TMEM33: variants seen among roughly 807,000 people sequenced by gnomAD.
TMEM33 encodes the protein transmembrane protein 33.
A neutral mutation model predicts 29.7 loss-of-function variants in TMEM33; 16 were observed. The observed-to-expected ratio is 0.54, with a 90% confidence interval of 0.36 to 0.82. TMEM33 has a LOEUF of 0.82. Among genes scored for constraint, TMEM33 ranks in the 40% least tolerant of loss-of-function variants. The probability of loss-of-function intolerance (pLI) is 0.00; values close to 1 mark genes in which losing one functional copy is unlikely to be tolerated. For missense variants in TMEM33, 252 were observed against 295.3 expected (o/e 0.85, Z 1.08); for synonymous variants, 112 against 109.4 (o/e 1.02, Z -0.15).
At chr4:41,936,257 A>T (rs981998191) in intron 1 of TMEM33, among the ~76,000 whole-genome samples, 1 of 152,218 alleles carries the variant, frequency 6.6e-6, no homozygotes, top group African/African-American at 2.4e-5. Context: ...GCATGCATCG[A>T]TGGGCTGGCG....
chr4:41,935,594 C>T (rs1036408862), intron 1 of TMEM33, 65 bp downstream of exon 1: 1 of 1,513,776 alleles, frequency 6.6e-7, no homozygotes, highest in Non-Finnish European at 9.0e-7. Flanking sequence ...GGAAGCGTTG[C>T]GAGTCCCGAG....
rs971495440 is a variant in TMEM33 at position 41,957,000 on chromosome 4, C to G, written c.*2801C>G. On this transcript the variant is annotated 3_prime_UTR_variant, in exon 7 of 7. Transcript: ENST00000504986. ...ATGAATGTAGTAACAGAAATTAACT[C>G]TTTACTGCATCATTGAACTTATTGT... 3.3e-5 allele frequency: 5 copies of G among 152,132 alleles called. No individual in the cohort carries two copies. Among genetic ancestry groups the G allele is most frequent in the Non-Finnish European group, 5.9e-5 (4 of 67,984 alleles). 9.4% of individuals were successfully genotyped at this position (152,132 alleles called of 1,614,324 possible). A position where few individuals can be genotyped will look rare whatever the true frequency, so the allele number is the denominator to read the frequency against.
In TMEM33 at chr4:41,957,711, A is replaced by G. The variant is rs1713326458; in HGVS notation, c.*3512A>G. On this transcript the variant is annotated 3_prime_UTR_variant, in exon 7 of 7. Coordinates refer to ENST00000504986, the MANE Select transcript of TMEM33 (RefSeq NM_018126.3). ...TTGATTAACATAGGTTATTCTGACC[A>G]CCACCTCTTCCTTCCTTAATCTCCT... 1.3e-5 allele frequency: 2 copies of G among 152,094 alleles called. No individual in the cohort carries two copies. Among genetic ancestry groups the G allele is most frequent in the Non-Finnish European group, 2.9e-5 (2 of 68,024 alleles). 9.4% of individuals were successfully genotyped at this position (152,094 alleles called of 1,614,324 possible).
At position 41,954,226 on chromosome 4, in the gene TMEM33, T is replaced by C. The variant is rs372517017; in HGVS notation, c.*27T>C. 4 of 1,611,790 alleles carry C rather than the reference T, an allele frequency of 2.5e-6. No individual in the cohort carries two copies. The highest frequency in any genetic ancestry group is 1.3e-5 in the African/African-American group (1 of 74,806). The stretch of plus-strand genomic sequence containing the variant: ...TTAACATCTAGTTAAGCTACAAATA[T>C]AGTATAAGCATTATTAGCAGCTGGT... On this transcript the variant is annotated 3_prime_UTR_variant, in exon 7 of 7. Transcript: ENST00000504986.
Position 41,959,438 on chromosome 4 carries a change from A to G in TMEM33, c.*5239A>G, listed in dbSNP as rs986085558. The G allele has an allele frequency of 1.3e-5, 2 of 152,204 alleles. No homozygotes were observed. The highest frequency in any genetic ancestry group is 2.9e-5 in the Non-Finnish European group (2 of 68,028). 9.4% of individuals were successfully genotyped at this position (152,204 alleles called of 1,614,324 possible). ...AAGAAAGCACAGTATTTTAAAATCT[A>G]AAGCAGATTCCTTTCTTAGAAAACA... On this transcript the variant is annotated 3_prime_UTR_variant, in exon 7 of 7. Transcript: ENST00000504986.
At chr4:41,947,492 C>T (rs1712847133) in intron 5 of TMEM33, among the ~76,000 whole-genome samples, 1 of 151,918 alleles carries the variant, frequency 6.6e-6, no homozygotes, top group Non-Finnish European at 1.5e-5. Context: ...CAATTGTGCT[C>T]CTTAAATGTT....
In TMEM33 at chr4:41,955,630, T is replaced by C. The variant is rs2153128314; in HGVS notation, c.*1431T>C. ...TAAATACATGAAAAATTATACTTGA[T>C]AGCTTAACTATAATCAGCTATTTTT... On this transcript the variant is annotated 3_prime_UTR_variant, in exon 7 of 7. Transcript: ENST00000504986. The C allele has an allele frequency of 6.5e-6, 1 of 152,800 alleles. No individual in the cohort carries two copies. The highest frequency in any genetic ancestry group is 1.5e-5 in the Non-Finnish European group (1 of 68,034). 9.5% of individuals were successfully genotyped at this position (152,800 alleles called of 1,614,324 possible).
At chr4:41,950,791 AT>A (rs1713005938) in intron 6 of TMEM33, among the ~76,000 whole-genome samples, 1 of 152,074 alleles carries the variant, frequency 6.6e-6, no homozygotes, top group African/African-American at 2.4e-5. Flanking sequence ...TAATCAGCAT[AT>A]TTGTTTTTCT....
intron 3 of TMEM33, among the ~76,000 whole-genome samples, chr4:41,942,096 G>C (rs887743291): frequency 1.3e-5 from 2 of 152,120 alleles, no homozygotes; most frequent in African/African-American, 4.8e-5. Flanking sequence ...TCCCAATTCA[G>C]GGCTCTATTT....
chr4:41,957,060 C>CAGT lies in TMEM33; in HGVS notation c.*2862_*2864dup, dbSNP rs1200316908. ...GTTTAAAAGAAGTTCATTTAACATC[C>CAGT]AGTGTGTCTAATTCTTCTGGAAGTG... On this transcript the variant is annotated 3_prime_UTR_variant, in exon 7 of 7. Coordinates refer to ENST00000504986, the MANE Select transcript of TMEM33 (RefSeq NM_018126.3). The CAGT allele has an allele frequency of 6.6e-6, 1 of 152,102 alleles. No individual in the cohort carries two copies. The highest frequency in any genetic ancestry group is 1.5e-5 in the Non-Finnish European group (1 of 67,966). 9.4% of individuals were successfully genotyped at this position (152,102 alleles called of 1,614,324 possible). A position where few individuals can be genotyped will look rare whatever the true frequency, so the allele number is the denominator to read the frequency against.
At position 41,938,650 on chromosome 4, in the gene TMEM33, T is replaced by C. The variant is rs1712367523; in HGVS notation, c.94T>C (p.Leu32=). 6.2e-7 allele frequency: 1 copy of C among 1,614,158 alleles called. No homozygotes were observed. The highest frequency in any genetic ancestry group is 1.7e-5 in the Admixed American group (1 of 60,034). The change falls in exon 2 of 7, where the codon TTG becomes CTG. Residue 32 remains leucine (L), a synonymous_variant. Coordinates refer to ENST00000504986, the MANE Select transcript of TMEM33 (RefSeq NM_018126.3). ...KLDTAMWLSR[L]FTVYCSALFV... The stretch of plus-strand genomic sequence containing the variant: ...GGACACGGCAATGTGGCTTTCTCGC[T>C]TGTTCACAGTTTACTGCTCTGCTCT...
rs1245762747 is a variant in TMEM33, at chr4:41,957,378, C to T, written c.*3179C>T. ...CTTGAATATTTAAGAATGTCCCTTACAGAGAAAAGGCCAACTATAATACTA... is the reference window on the plus strand; with the variant it reads ...CTTGAATATTTAAGAATGTCCCTTATAGAGAAAAGGCCAACTATAATACTA... On this transcript the variant is annotated 3_prime_UTR_variant, in exon 7 of 7. Coordinates refer to ENST00000504986, the MANE Select transcript of TMEM33 (RefSeq NM_018126.3). 1 of 148,616 alleles carries T rather than the reference C, an allele frequency of 6.7e-6. No individual in the cohort carries two copies. The highest frequency in any genetic ancestry group is 2.0e-4 in the East Asian group (1 of 5,002). The allele number at this position is 148,616 out of a possible 1,614,324, so 9.2% of individuals were successfully genotyped here.
At chr4:41,939,411 A>G in intron 3 of TMEM33, 28 bp downstream of exon 3, 1 of 1,604,152 alleles carries the variant, frequency 6.2e-7, no homozygotes, top group Non-Finnish European at 8.5e-7. Context: ...GTTAACAATG[A>G]AATTGCCAAC....
rs1347826390 is a variant in TMEM33, at chr4:41,954,185, C to G, written c.730C>G (p.Pro244Ala). 1 of 1,613,650 alleles carries G rather than the reference C, an allele frequency of 6.2e-7. No individual in the cohort carries two copies. The highest frequency in any genetic ancestry group is 8.5e-7 in the Non-Finnish European group (1 of 1,179,734). Reference sequence around the variant, plus strand: ...CATTGCCTTTATAAGCAGATTGGCACCAACAGTTCCATAGTTTAACATCTA... The same window carrying G: ...CATTGCCTTTATAAGCAGATTGGCAGCAACAGTTCCATAGTTTAACATCTA... ...QSIAFISRLA[P>A]TVP The change falls in exon 7 of 7, where the codon CCA becomes GCA. Residue 244 changes from proline to alanine, a missense_variant. By Grantham distance (27) the Pro-to-Ala change is conservative (BLOSUM62 -1). Transcript: ENST00000504986.
At chr4:41,949,012 C>T (rs536640195) in intron 5 of TMEM33, among the ~76,000 whole-genome samples, 25 of 151,906 alleles carry the variant, frequency 1.6e-4, no homozygotes, top group South Asian at 4.2e-4. Context: ...TTAGTAATTA[C>T]GGAATTATTT....
In TMEM33 at chr4:41,955,624, A is replaced by G. The variant is rs1263898521; in HGVS notation, c.*1425A>G. 3 of 152,646 alleles carry G rather than the reference A, an allele frequency of 2.0e-5. No homozygotes were observed. Among genetic ancestry groups the G allele is most frequent in the Non-Finnish European group, 4.4e-5 (3 of 68,044 alleles). 9.5% of individuals were successfully genotyped at this position (152,646 alleles called of 1,614,324 possible). ...TTAGGATAAATACATGAAAAATTAT[A>G]CTTGATAGCTTAACTATAATCAGCT... On this transcript the variant is annotated 3_prime_UTR_variant, in exon 7 of 7. Coordinates refer to ENST00000504986, the MANE Select transcript of TMEM33 (RefSeq NM_018126.3).
chr4:41,954,250 GTACTTCTGC>G lies in TMEM33; in HGVS notation c.*54_*62del. The stretch of plus-strand genomic sequence containing the variant: ...ATAGTATAAGCATTATTAGCAGCTG[GTACTTCTGC>G]TAGGGGTTGTAAATTCCAGGTGTTA... On this transcript the variant is annotated 3_prime_UTR_variant, in exon 7 of 7. Transcript: ENST00000504986. 6.3e-7 allele frequency: 1 copy of G among 1,586,022 alleles called. No homozygotes were observed. Among genetic ancestry groups the G allele is most frequent in the Non-Finnish European group, 8.6e-7 (1 of 1,160,808 alleles).
chr4:41,948,840 GTT>G, intron 5 of TMEM33, among the ~76,000 whole-genome samples: 2 of 152,054 alleles, frequency 1.3e-5, no homozygotes, highest in African/African-American at 4.8e-5. Context: ...TTGTAATTGT[GTT>G]TTTTAACCAA....
At chr4:41,944,664 C>T (rs1024114984) in intron 4 of TMEM33, 129 bp from the exon 5 acceptor site, 14 of 1,062,470 alleles carry the variant, frequency 1.3e-5, no homozygotes, top group Non-Finnish European at 1.6e-5. Context: ...TTGTGAACTT[C>T]GTACCATCAT....
Sources: gnomAD v4.1 joint callset for allele counts (sites outside exome capture counted in the v4.1 genomes callset) on GRCh38, gnomAD v4.1.1 for gene constraint, MANE v1.5 for transcripts, NCBI Gene and HGNC (gene_info 2026-07-23, HGNC 2026-07-21) for gene names.